The following NEDD1 variants were observed in gnomAD, a reference collection of about 807,000 sequenced individuals.
NEDD1 encodes NEDD1 gamma-tubulin ring complex targeting factor.
Under a neutral mutation model 74.0 loss-of-function variants are expected in NEDD1, and 33 were observed. The observed-to-expected ratio is 0.45, with a 90% CI of 0.34 to 0.60. NEDD1 has a LOEUF of 0.60. Among genes scored for constraint, NEDD1 ranks in the 20% least tolerant of loss-of-function variants. NEDD1 has a pLI of 0.01. For missense variants in NEDD1, 746 were observed against 776.5 expected (o/e 0.96, Z 0.47); for synonymous variants, 250 against 264.4 (o/e 0.95, Z 0.53).
intron 14 of NEDD1, among the ~76,000 whole-genome samples, chr12:96,946,384 A>C (rs1486302987): frequency 6.6e-6 from 1 of 152,014 alleles, no homozygotes; most frequent in Non-Finnish European, 1.5e-5. Context: ...TTATCATCTC[A>C]ATATTTTTGG....
intron 6 of NEDD1, among the ~76,000 whole-genome samples, chr12:96,933,051 G>A (rs887561401): frequency 7.4e-5 from 11 of 148,772 alleles, no homozygotes; most frequent in African/African-American, 2.7e-4. Context: ...AGAACTTGAA[G>A]TAAGATACAG....
At chr12:96,950,830 G>A (rs1031700064) in intron 14 of NEDD1, among the ~76,000 whole-genome samples, 1 of 151,808 alleles carries the variant, frequency 6.6e-6, no homozygotes, top group Non-Finnish European at 1.5e-5. Flanking sequence ...TGTGGTGGGT[G>A]ACTGAGTGTT....
intron 13 of NEDD1, among the ~76,000 whole-genome samples, chr12:96,945,436 CT>C (rs1313568913): frequency 6.6e-6 from 1 of 152,016 alleles, no homozygotes; most frequent in Non-Finnish European, 1.5e-5. Context: ...TTCATAGATT[CT>C]TCAAGATTAA....
chr12:96,933,320 A>T (rs1876751719), intron 6 of NEDD1, among the ~76,000 whole-genome samples: 1 of 152,194 alleles, frequency 6.6e-6, no homozygotes, highest in Non-Finnish European at 1.5e-5. Context: ...CATGTGAAGG[A>T]CGATAACTAT....
intron 6 of NEDD1, among the ~76,000 whole-genome samples, chr12:96,928,094 T>C (rs964823670): frequency 5.3e-5 from 8 of 152,280 alleles, no homozygotes; most frequent in South Asian, 2.1e-4. Context: ...TATTTTTCTC[T>C]TCTAAATTTT....
At chr12:96,923,214 A>C (rs78114324) in intron 6 of NEDD1, among the ~76,000 whole-genome samples, 3,036 of 152,276 alleles carry the variant, frequency 0.02, 95 homozygotes, top group African/African-American at 0.07. Context: ...TACTGTATTA[A>C]TTCTGTGTAG....
At position 96,943,458 on chromosome 12, in the gene NEDD1, C is replaced by T. The variant is rs1592925980; in HGVS notation, c.1295-102C>T. 6.6e-6 allele frequency: 5 copies of T among 756,318 alleles called. No individual in the cohort carries two copies. In the East Asian group the frequency reaches 9.9e-5, roughly 15 times the overall value. 46.9% of individuals were successfully genotyped at this position (756,318 alleles called of 1,614,324 possible). A position where few individuals can be genotyped will look rare whatever the true frequency, so the allele number is the denominator to read the frequency against. On this transcript the variant is annotated intron_variant, in intron 11 of 15. Transcript: ENST00000266742. ...CAAACCAGTCTTCAGAATGCAGATC[C>T]ATATCTTCTTCCATGTTAATCTGCC...
At chr12:96,944,435 G>A (rs1339233533) in intron 12 of NEDD1, among the ~76,000 whole-genome samples, 51 of 151,254 alleles carry the variant, frequency 3.4e-4, no homozygotes, top group Admixed American at 3.3e-3. Context: ...TCATGTTATT[G>A]TTGAGATTGT....
intron 14 of NEDD1, among the ~76,000 whole-genome samples, chr12:96,946,484 C>G (rs1292509767): frequency 1.3e-5 from 2 of 152,082 alleles, no homozygotes; most frequent in East Asian, 3.8e-4. Context: ...TTACCGTAAG[C>G]AAGAATGTTG....
At chr12:96,916,413 T>A (rs1199294314) in intron 4 of NEDD1, among the ~76,000 whole-genome samples, 4 of 67,694 alleles carry the variant, frequency 5.9e-5, no homozygotes, top group East Asian at 5.1e-4. Context: ...CCCTCCCCCC[T>A]CCCCACCACA....
Position 96,945,834 on chromosome 12 carries a change from C to G in NEDD1, c.1796C>G (p.Thr599Arg). Reference sequence around the variant, plus strand: ...TTTATTCAGAACATGATACAGGAAACGTTGGATGACTTTAGGTAGTAATTG... The same window carrying G: ...TTTATTCAGAACATGATACAGGAAAGGTTGGATGACTTTAGGTAGTAATTG... ...IRFIQNMIQE[T>R]LDDFREACHR... Residue 599 changes from threonine to arginine, a missense_variant, in exon 14 of 16, where the codon ACG (threonine) becomes AGG (arginine). Around this residue, in one of 3 missense-constraint regions of NEDD1, gnomAD observed 706 missense variants for 706.7 expected, o/e 1.00. Transcript: ENST00000266742. 6.2e-7 allele frequency: 1 copy of G among 1,609,098 alleles called. No individual in the cohort carries two copies. Among genetic ancestry groups the G allele is most frequent in the Non-Finnish European group, 8.5e-7 (1 of 1,175,920 alleles).
At chr12:96,949,513 A>T (rs534926191) in intron 14 of NEDD1, among the ~76,000 whole-genome samples, 1 of 152,182 alleles carries the variant, frequency 6.6e-6, no homozygotes, top group Non-Finnish European at 1.5e-5. Context: ...TGCAATTCCA[A>T]TTAAAATCCC....
intron 6 of NEDD1, among the ~76,000 whole-genome samples, chr12:96,934,338 AAGG>A (rs971061575): frequency 1.4e-4 from 21 of 152,030 alleles, no homozygotes; most frequent in African/African-American, 4.6e-4. Flanking sequence ...TTTCCTCTGA[AAGG>A]AGAAGATTGA....
intron 4 of NEDD1, among the ~76,000 whole-genome samples, chr12:96,915,804 G>T (rs1346330516): frequency 1.3e-5 from 2 of 152,104 alleles, no homozygotes; most frequent in African/African-American, 2.4e-5. Flanking sequence ...CATGGATATG[G>T]GCCTTGTGCT....
chr12:96,907,517 G>C, intron 1 of NEDD1, 87 bp from the exon 2 acceptor site: 5 of 1,110,994 alleles, frequency 4.5e-6, no homozygotes, highest in Non-Finnish European at 6.7e-6. Flanking sequence ...CCGGAGCCTT[G>C]TGGGGTGTGC....
At chr12:96,912,676 C>A in intron 3 of NEDD1, 47 bp from the exon 4 acceptor site, 1 of 862,614 alleles carries the variant, frequency 1.2e-6, no homozygotes, top group Non-Finnish European at 2.0e-6. Flanking sequence ...TAGTCTAGTG[C>A]TATAGATGTT....
At chr12:96,946,649 A>G (rs752374734) in intron 14 of NEDD1, among the ~76,000 whole-genome samples, 1 of 152,230 alleles carries the variant, frequency 6.6e-6, no homozygotes, top group Non-Finnish European at 1.5e-5. Flanking sequence ...CTAAGGATAC[A>G]TCAAATGATC....
chr12:96,932,593 G>A (rs1450030776), intron 6 of NEDD1, among the ~76,000 whole-genome samples: 1 of 145,070 alleles, frequency 6.9e-6, no homozygotes, highest in East Asian at 2.0e-4. Context: ...ATATCTTAAT[G>A]ATATTCTAAA....
intron 14 of NEDD1, among the ~76,000 whole-genome samples, chr12:96,949,916 C>G (rs991032706): frequency 1.3e-5 from 2 of 151,984 alleles, no homozygotes; most frequent in African/African-American, 4.8e-5. Flanking sequence ...AAGTTTATAA[C>G]TTCATGGTAG....
Sources: allele counts gnomAD v4.1 joint callset (sites outside exome capture counted in the v4.1 genomes callset), GRCh38; gene constraint gnomAD v4.1.1; regional missense constraint gnomAD v4.1.1; transcripts MANE v1.5; gene names NCBI Gene and HGNC (gene_info 2026-07-23, HGNC 2026-07-21).